Variants in PARPBP observed in about 807,000 individuals in gnomAD.
PARPBP encodes PCNA-interacting partner.
In PARPBP, 52 loss-of-function variants were observed where a neutral mutation model predicts 50.0. The ratio of observed to expected loss-of-function variants is 1.04; its 90% CI spans 0.83 to 1.31. The LOEUF (loss-of-function observed/expected upper bound fraction) is 1.31, where lower values mean the gene tolerates loss of function less well. PARPBP is among the 50% of genes most tolerant of loss of function. The probability of loss-of-function intolerance (pLI) is 0.00; values close to 1 mark genes in which losing one functional copy is unlikely to be tolerated. For synonymous variants in PARPBP, 244 were observed against 232.1 expected (o/e 1.05, Z -0.47); for missense variants, 697 against 672.0 (o/e 1.04, Z -0.41).
At chr12:102,144,502 A>G (rs1479279725) in intron 2 of PARPBP, among the ~76,000 whole-genome samples, 5 of 152,144 alleles carry the variant, frequency 3.3e-5, no homozygotes, top group Admixed American at 2.6e-4. Context: ...GATCATGAAA[A>G]CTGATATCTG....
chr12:102,127,963 T>A (rs1376023048), intron 2 of PARPBP, among the ~76,000 whole-genome samples: 1 of 152,202 alleles, frequency 6.6e-6, no homozygotes, highest in Non-Finnish European at 1.5e-5. Context: ...TATGTATACA[T>A]TGTGAAATGG....
rs777203483 is a variant in PARPBP, at chr12:102,196,213, A to C, written c.1662A>C (p.Val554=). 3.7e-6 allele frequency: 6 copies of C among 1,611,032 alleles called. No homozygotes were observed. In the African/African-American group the frequency reaches 8.0e-5, roughly 22 times the overall value. ...QNRLYGKLAK[V]AKSNKCTAKD... is the part of the protein sequence containing the mutation. The stretch of plus-strand genomic sequence containing the variant: ...GATTGTACGGCAAACTAGCTAAAGT[A>C]GCAAAAAGTAATAAATGTACTGCCA... Residue 554 remains valine, a synonymous_variant, in exon 11 of 11, where the codon GTA becomes GTC. Coordinates refer to ENST00000327680, the MANE Select transcript of PARPBP (RefSeq NM_017915.5).
rs750737952 is a variant in PARPBP, at chr12:102,195,990, C to T, written c.1439C>T (p.Thr480Met). 22 of 1,605,866 alleles carry T rather than the reference C, an allele frequency of 1.4e-5. No individual in the cohort carries two copies. Among genetic ancestry groups the T allele is most frequent in the Middle Eastern group, 1.7e-4 (1 of 6,010 alleles). ...TCTGTTGGAAGATCAACAATTGGAA[C>T]GAGTTTTGGAAATGTTCATCTGGAC... ...NPSVGRSTIG[T>M]SFGNVHLDRS... The change falls in exon 11 of 11, where the codon ACG becomes ATG. Residue 480 changes from threonine to methionine, a missense_variant. Thr to Met is a moderately conservative substitution (Grantham distance 81). Transcript: ENST00000327680.
chr12:102,168,461 G>A (rs1449563790), intron 6 of PARPBP, among the ~76,000 whole-genome samples: 1 of 152,116 alleles, frequency 6.6e-6, no homozygotes, highest in African/African-American at 2.4e-5. Context: ...TATCTGAATA[G>A]TCCACTTGAG....
Position 102,196,826 on chromosome 12 carries a change from T to C in PARPBP, c.*535T>C. ...AAACCAAAATGATAATAATTAATTG[T>C]TGCTATTTAATCCCACATTTTTGGC... is the stretch of plus-strand genomic sequence containing the variant. On this transcript the variant is annotated 3_prime_UTR_variant, in exon 11 of 11. Coordinates refer to ENST00000327680, the MANE Select transcript of PARPBP (RefSeq NM_017915.5). 4 of 1,041,702 alleles carry C rather than the reference T, an allele frequency of 3.8e-6. No individual in the cohort carries two copies. The highest frequency in any genetic ancestry group is 2.8e-5 in the South Asian group (2 of 70,496). The allele number at this position is 1,041,702 out of a possible 1,614,324, so 64.5% of individuals were successfully genotyped here.
At chr12:102,136,495 T>C (rs1883650156) in intron 2 of PARPBP, among the ~76,000 whole-genome samples, 1 of 152,258 alleles carries the variant, frequency 6.6e-6, no homozygotes, top group South Asian at 2.1e-4. Context: ...TGTAAGAATT[T>C]TCACATACTG....
intron 8 of PARPBP, among the ~76,000 whole-genome samples, chr12:102,181,863 G>A (rs1490109851): frequency 2.6e-5 from 4 of 152,100 alleles, no homozygotes; most frequent in Non-Finnish European, 5.9e-5. Flanking sequence ...TCTGATGAGG[G>A]CCTCTTCCCC....
chr12:102,194,614 A>G (rs961817635), intron 9 of PARPBP, among the ~76,000 whole-genome samples: 1 of 151,844 alleles, frequency 6.6e-6, no homozygotes, highest in African/African-American at 2.4e-5. Context: ...TCTCCTATTT[A>G]TGTAGAAAGT....
At chr12:102,187,288 T>A (rs1386416388) in intron 9 of PARPBP, among the ~76,000 whole-genome samples, 3 of 152,146 alleles carry the variant, frequency 2.0e-5, no homozygotes, top group African/African-American at 7.2e-5. Flanking sequence ...ACTAGTGAAT[T>A]AGCAAAATTC....
intron 2 of PARPBP, among the ~76,000 whole-genome samples, chr12:102,143,454 C>G (rs1202317704): frequency 6.6e-6 from 1 of 152,210 alleles, no homozygotes; most frequent in Non-Finnish European, 1.5e-5. Flanking sequence ...GATGCCCTGC[C>G]CTGCTTCAGC....
intron 4 of PARPBP, among the ~76,000 whole-genome samples, chr12:102,155,830 G>T (rs1028713956): frequency 1.3e-5 from 2 of 152,170 alleles, no homozygotes; most frequent in Admixed American, 1.3e-4. Context: ...TAGGATGTCC[G>T]CTGTGCTCCT....
intron 2 of PARPBP, among the ~76,000 whole-genome samples, chr12:102,147,726 TA>T (rs546140105): frequency 2.5e-4 from 38 of 151,786 alleles, no homozygotes; most frequent in South Asian, 2.1e-3. Flanking sequence ...AATAATAAAA[TA>T]AAAAAAATTA....
Position 102,196,695 on chromosome 12 carries a change from C to A in PARPBP, c.*404C>A, listed in dbSNP as rs781675279. The A allele has an allele frequency of 6.2e-7, 1 of 1,607,560 alleles. No homozygotes were observed. Among genetic ancestry groups the A allele is most frequent in the Non-Finnish European group, 8.5e-7 (1 of 1,174,908 alleles). On this transcript the variant is annotated 3_prime_UTR_variant, in exon 11 of 11. Transcript: ENST00000327680. ...TCGGTAGACTCTTCCCAGCATACAT[C>A]TGAGCACTGAAGGAAGAAGAAAGTT...
intron 2 of PARPBP, among the ~76,000 whole-genome samples, chr12:102,126,654 G>C (rs960231301): frequency 2.0e-5 from 3 of 152,164 alleles, no homozygotes; most frequent in Non-Finnish European, 4.4e-5. Flanking sequence ...GGGCGTAGTG[G>C]TAGGCGCCTG....
At chr12:102,173,056 T>G (rs1888906655) in intron 6 of PARPBP, among the ~76,000 whole-genome samples, 1 of 152,170 alleles carries the variant, frequency 6.6e-6, no homozygotes, top group Non-Finnish European at 1.5e-5. Flanking sequence ...ATTTCAAAAA[T>G]TCTTCTTAAA....
chr12:102,171,589 G>A (rs898966317), intron 6 of PARPBP, among the ~76,000 whole-genome samples: 11 of 152,096 alleles, frequency 7.2e-5, no homozygotes, highest in African/African-American at 1.7e-4. Context: ...TTTCATGGCC[G>A]GGCTTGGTGG....
intron 7 of PARPBP, 84 bp from the exon 8 acceptor site, chr12:102,178,508 C>T (rs1800847212): frequency 2.7e-6 from 2 of 732,080 alleles, no homozygotes; most frequent in African/African-American, 3.6e-5. Context: ...TGAAAGAGGC[C>T]AGTGCCACAG....
chr12:102,124,964 G>T (rs1175893649), intron 2 of PARPBP, among the ~76,000 whole-genome samples: 1 of 152,156 alleles, frequency 6.6e-6, no homozygotes, highest in East Asian at 1.9e-4. Context: ...TTTGAAAAAG[G>T]AAGAATATTT....
intron 4 of PARPBP, chr12:102,154,728 T>G (rs945715539): frequency 5.1e-6 from 2 of 392,548 alleles, no homozygotes; most frequent in African/African-American, 4.2e-5. Flanking sequence ...AAAATATGTT[T>G]CTTTGCCATA....
Sources: allele counts gnomAD v4.1 joint callset (sites outside exome capture counted in the v4.1 genomes callset), GRCh38; gene constraint gnomAD v4.1.1; transcripts MANE v1.5; gene names NCBI Gene and HGNC (gene_info 2026-07-23, HGNC 2026-07-21).